ROBO2: variants seen among roughly 807,000 people sequenced by gnomAD.
ROBO2 encodes the protein roundabout homolog 2.
A neutral mutation model predicts 160.8 loss-of-function variants in ROBO2; 53 were observed. That is an observed-to-expected ratio of 0.33 (90% confidence interval 0.26 to 0.41). ROBO2 has a LOEUF of 0.41. Ranked by LOEUF, ROBO2 falls within the 10% of genes least tolerant of loss-of-function variation. The probability of loss-of-function intolerance (pLI) is 1.00; values close to 1 mark genes in which losing one functional copy is unlikely to be tolerated. For synonymous variants in ROBO2, 664 were observed against 611.7 expected (o/e 1.09, Z -1.26); for missense variants, 1,577 against 1,722.4 (o/e 0.92, Z 1.49).
intron 2 of ROBO2, among the ~76,000 whole-genome samples, chr3:76,130,809 A>G (rs1242552685): frequency 6.6e-6 from 1 of 152,200 alleles, no homozygotes; most frequent in African/African-American, 2.4e-5. Context: ...AACAGTAAGT[A>G]TCTGGCAATT....
intron 6 of ROBO2, among the ~76,000 whole-genome samples, chr3:77,528,851 T>C (rs1363791294): frequency 6.6e-6 from 1 of 151,774 alleles, no homozygotes; most frequent in Admixed American, 6.6e-5. Context: ...GTACAATTGA[T>C]GTTTGAAAAT....
intron 2 of ROBO2, among the ~76,000 whole-genome samples, chr3:76,394,793 G>A (rs2077341445): frequency 1.3e-5 from 2 of 152,066 alleles, no homozygotes; most frequent in Non-Finnish European, 2.9e-5. Context: ...AAATATATAT[G>A]CACCCAATAC....
chr3:76,002,759 G>GGA (rs1288932591), intron 2 of ROBO2, among the ~76,000 whole-genome samples: 2 of 152,046 alleles, frequency 1.3e-5, no homozygotes, highest in African/African-American at 4.8e-5. Flanking sequence ...CAAGACATTA[G>GGA]GAGAGAGACT....
chr3:77,024,635 A>G lies in ROBO2; in HGVS notation c.110-73379A>G, dbSNP rs754211584. Among the ~76,000 whole-genome samples the G allele has an allele frequency of 1.2e-3, 186 of 152,306 alleles. 3 individuals are homozygous for G. The highest frequency in any genetic ancestry group is 0.01 in the Middle Eastern group (3 of 294). ...GGAGACCCGACTCCACACTGAGAGAACTAACTAAGAGTTGGAGATTTGGAG... is the reference window on the plus strand; with the variant it reads ...GGAGACCCGACTCCACACTGAGAGAGCTAACTAAGAGTTGGAGATTTGGAG... On this transcript the variant is annotated intron_variant, in intron 2 of 26. Coordinates refer to the ROBO2 transcript ENST00000487694.
chr3:76,226,977 T>C (rs1704327210), intron 2 of ROBO2, among the ~76,000 whole-genome samples: 1 of 152,158 alleles, frequency 6.6e-6, no homozygotes, highest in East Asian at 1.9e-4. Flanking sequence ...TCTGTGCATC[T>C]CCATCAGCCT....
intron 2 of ROBO2, among the ~76,000 whole-genome samples, chr3:77,468,425 A>G (rs978988570): frequency 6.6e-6 from 1 of 152,216 alleles, no homozygotes; most frequent in African/African-American, 2.4e-5. Flanking sequence ...GAACATATGC[A>G]TTACAGAGGT....
intron 23 of ROBO2, chr3:77,631,613 A>G (rs2095165261): frequency 6.6e-6 from 1 of 152,134 alleles, no homozygotes; most frequent in Non-Finnish European, 1.5e-5. Context: ...TTTGTCTAAG[A>G]AAACATATAA....
chr3:77,565,266 C>T (rs2093446285), intron 12 of ROBO2, 146 bp downstream of exon 13: 1 of 991,072 alleles, frequency 1.0e-6, no homozygotes, highest in Non-Finnish European at 1.6e-6. Context: ...GAGAAGGTAG[C>T]TTGCTGTTTA....
At chr3:75,947,963 G>A (rs906144252) in intron 2 of ROBO2, among the ~76,000 whole-genome samples, 30 of 152,028 alleles carry the variant, frequency 2.0e-4, no homozygotes, top group African/African-American at 7.2e-4. Flanking sequence ...GCATTCTGAA[G>A]TTGGAAGATC....
intron 2 of ROBO2, among the ~76,000 whole-genome samples, chr3:76,279,207 T>G (rs562938457): frequency 2.6e-5 from 4 of 151,674 alleles, no homozygotes; most frequent in South Asian, 4.1e-4. Context: ...TCACTTTTTT[T>G]GGGGAAATTT....
intron 2 of ROBO2, among the ~76,000 whole-genome samples, chr3:76,345,051 G>C (rs1313570149): frequency 6.6e-6 from 1 of 152,132 alleles, no homozygotes; most frequent in African/African-American, 2.4e-5. Flanking sequence ...CTTAACTCCT[G>C]AGCGCCACTG....
At chr3:77,313,541 G>T (rs2063720055) in intron 2 of ROBO2, among the ~76,000 whole-genome samples, 1 of 151,896 alleles carries the variant, frequency 6.6e-6, no homozygotes, top group Non-Finnish European at 1.5e-5. Flanking sequence ...ACCATTCCCA[G>T]TCTCTAGATC....
chr3:76,024,508 G>A (rs2066672221), intron 2 of ROBO2, among the ~76,000 whole-genome samples: 1 of 151,088 alleles, frequency 6.6e-6, no homozygotes, highest in Admixed American at 6.6e-5. Flanking sequence ...TGTTACCTGT[G>A]GTTTACCTGC....
intron 2 of ROBO2, among the ~76,000 whole-genome samples, chr3:75,940,145 C>G (rs1401035766): frequency 6.6e-6 from 1 of 152,056 alleles, no homozygotes; most frequent in Non-Finnish European, 1.5e-5. Flanking sequence ...ATGTTTAAGT[C>G]ACTGGGGAGT....
chr3:76,289,729 A>G (rs1348111145), intron 2 of ROBO2, among the ~76,000 whole-genome samples: 1 of 152,280 alleles, frequency 6.6e-6, no homozygotes, highest in East Asian at 1.9e-4. Flanking sequence ...TTATCCCAGC[A>G]TAATTTATTG....
At chr3:76,781,894 G>A (rs2062665535) in intron 2 of ROBO2, among the ~76,000 whole-genome samples, 1 of 150,652 alleles carries the variant, frequency 6.6e-6, no homozygotes, top group Non-Finnish European at 1.5e-5. Flanking sequence ...GTTTATAAAT[G>A]TTTCTTCCTC....
intron 2 of ROBO2, among the ~76,000 whole-genome samples, chr3:76,296,139 T>C (rs1311346985): frequency 2.0e-5 from 3 of 152,034 alleles, no homozygotes; most frequent in Non-Finnish European, 2.9e-5. Context: ...AAGTGACATA[T>C]GGAGAATACG....
chr3:75,956,898 A>G (rs553150649), intron 2 of ROBO2, among the ~76,000 whole-genome samples: 109 of 151,744 alleles, frequency 7.2e-4, no homozygotes, highest in African/African-American at 2.5e-3. Flanking sequence ...TTTATGACAA[A>G]ATAGATATCT....
At chr3:77,152,824 T>A (rs368097619) in intron 2 of ROBO2, among the ~76,000 whole-genome samples, 1 of 152,156 alleles carries the variant, frequency 6.6e-6, no homozygotes, top group African/African-American at 2.4e-5. Context: ...AAAGCTCAAT[T>A]TTTTTAGTGT....
Sources: gnomAD v4.1 joint callset for allele counts (sites outside exome capture counted in the v4.1 genomes callset) on GRCh38, gnomAD v4.1.1 for gene constraint, MANE v1.5 for transcripts, NCBI Gene and HGNC (gene_info 2026-07-23, HGNC 2026-07-21) for gene names.